The following ASXL3 variants were observed in gnomAD, a reference collection of about 807,000 sequenced individuals.
The protein encoded by ASXL3 is ASXL transcriptional regulator 3.
Under a neutral mutation model 170.6 loss-of-function variants are expected in ASXL3, and 34 were observed. The ratio of observed to expected loss-of-function variants is 0.20; its 90% CI spans 0.15 to 0.27. The LOEUF is 0.27. Ranked by LOEUF, ASXL3 falls within the 10% of genes least tolerant of loss-of-function variation. The pLI is 1.00. For synonymous variants in ASXL3, 1,002 were observed against 989.1 expected (o/e 1.01, Z -0.24); for missense variants, 2,592 against 2,695.3 (o/e 0.96, Z 0.85).
At chr18:33,637,282 C>T (rs1000587299) in intron 2 of ASXL3, among the ~76,000 whole-genome samples, 1 of 152,014 alleles carries the variant, frequency 6.6e-6, no homozygotes, top group Non-Finnish European at 1.5e-5. Flanking sequence ...GGCGTTGTTG[C>T]TAAATGTTAT....
chr18:33,742,791 T>G, intron 11 of ASXL3, 97 bp from the exon 12 acceptor site: 6 of 1,438,906 alleles, frequency 4.2e-6, no homozygotes, highest in Non-Finnish European at 5.5e-6. Flanking sequence ...TAGGAGAGAA[T>G]GCAGCTAGTC....
chr18:33,743,413 A>G lies in ASXL3; in HGVS notation c.3565A>G (p.Ser1189Gly), dbSNP rs761866641. Residue 1189 changes from serine (S) to glycine (G), a missense_variant, in exon 12 of 12, where the codon AGT becomes GGT. Around this residue, in one of 4 missense-constraint regions of ASXL3, gnomAD observed 2,246 missense variants for 2,219.6 expected, o/e 1.01. Coordinates refer to ENST00000269197, the MANE Select transcript of ASXL3 (RefSeq NM_030632.3). ...TGTACTACAGCAGTCTCTTAACCCAAGTAAACTTCCAGAAACTGCCACTGA... is the reference window on the plus strand; with the variant it reads ...TGTACTACAGCAGTCTCTTAACCCAGGTAAACTTCCAGAAACTGCCACTGA... ...TTVLQQSLNP[S>G]KLPETATDLS... 7.4e-6 allele frequency: 12 copies of G among 1,613,314 alleles called. No homozygotes were observed. The African/African-American group carries it at 1.3e-4, about 18-fold the overall frequency.
intron 8 of ASXL3, among the ~76,000 whole-genome samples, chr18:33,695,248 G>A (rs531288659): frequency 6.6e-6 from 1 of 152,174 alleles, no homozygotes; most frequent in African/African-American, 2.4e-5. Flanking sequence ...GTGTGTGTTT[G>A]AAATGTAATT....
intron 8 of ASXL3, among the ~76,000 whole-genome samples, chr18:33,715,002 A>C (rs1399702584): frequency 6.6e-6 from 1 of 152,280 alleles, no homozygotes; most frequent in African/African-American, 2.4e-5. Flanking sequence ...AGAGTGAACG[A>C]AGGTGTAGGG....
intron 8 of ASXL3, among the ~76,000 whole-genome samples, chr18:33,705,200 A>AT (rs148780318): frequency 0.022 from 3,342 of 151,816 alleles, 61 homozygotes; most frequent in South Asian, 0.1. Flanking sequence ...CATAAAATTT[A>AT]TAATACAGAA....
intron 1 of ASXL3, among the ~76,000 whole-genome samples, chr18:33,587,771 A>T (rs1234549362): frequency 6.8e-6 from 1 of 147,504 alleles, no homozygotes; most frequent in Non-Finnish European, 1.5e-5. Flanking sequence ...GATTACAATT[A>T]AAAAAAAAAG....
At chr18:33,649,386 T>G (rs1399569676) in intron 4 of ASXL3, among the ~76,000 whole-genome samples, 1 of 152,240 alleles carries the variant, frequency 6.6e-6, no homozygotes, top group Non-Finnish European at 1.5e-5. Context: ...CTGTGTGTGT[T>G]ATTTTTCTCA....
At chr18:33,736,778 TTGCGTAGTA>T (rs1187209847) in intron 10 of ASXL3, among the ~76,000 whole-genome samples, 3 of 152,174 alleles carry the variant, frequency 2.0e-5, no homozygotes, top group African/African-American at 2.4e-5. Context: ...GGGTTTTCCT[TTGCGTAGTA>T]TGGGGAACTG....
At chr18:33,676,185 C>T (rs1437642094) in intron 7 of ASXL3, among the ~76,000 whole-genome samples, 1 of 130,018 alleles carries the variant, frequency 7.7e-6, no homozygotes, top group Non-Finnish European at 1.5e-5. Flanking sequence ...GATGGCACCA[C>T]TGCACTCCAG....
At chr18:33,676,969 A>G (rs2066440350) in intron 7 of ASXL3, among the ~76,000 whole-genome samples, 1 of 152,194 alleles carries the variant, frequency 6.6e-6, no homozygotes, top group Non-Finnish European at 1.5e-5. Context: ...AATTTTCTCT[A>G]ACTAAAATGT....
intron 4 of ASXL3, among the ~76,000 whole-genome samples, chr18:33,659,035 C>T (rs112234552): frequency 4.6e-5 from 7 of 152,146 alleles, no homozygotes; most frequent in East Asian, 1.9e-4. Context: ...AGTGTATATG[C>T]TGATACTGAA....
rs2067863941 is a variant in ASXL3, at chr18:33,750,277, T to C, written c.*3682T>C. On this transcript the variant is annotated 3_prime_UTR_variant, in exon 12 of 12. Transcript: ENST00000269197. ...TCCTGTCGTCTTCAGTCTTCATGCT[T>C]TGTCACTGTAAAAAGAACAAAAAGC... 1 of 152,242 alleles carries C rather than the reference T, an allele frequency of 6.6e-6. No individual in the cohort carries two copies. Among genetic ancestry groups the C allele is most frequent in the Non-Finnish European group, 1.5e-5 (1 of 68,040 alleles). 9.4% of individuals were successfully genotyped at this position (152,242 alleles called of 1,614,324 possible). A position where few individuals can be genotyped will look rare whatever the true frequency, so the allele number is the denominator to read the frequency against.
rs770226543 is a variant in ASXL3 at position 33,743,374 on chromosome 18, C to T, written c.3526C>T (p.Arg1176Trp). 3.2e-5 allele frequency: 51 copies of T among 1,613,170 alleles called. 1 individual carries two copies. The highest frequency in any genetic ancestry group is 2.7e-4 in the Admixed American group (16 of 60,004). The change falls in exon 12 of 12, where the codon CGG (arginine) becomes TGG (tryptophan). Residue 1176 changes from arginine (R) to tryptophan (W), a missense_variant. Physicochemically the swap from Arg to Trp is moderately radical, Grantham distance 101 (BLOSUM62 -3). This residue lies in a region of ASXL3 where 2,246 missense variants were observed against 2,219.6 expected (regional missense o/e 1.01). Transcript: ENST00000269197. Reference protein sequence around the residue: ...RSPSNKSAHLRETTTVLQQSL... With the variant: ...RSPSNKSAHLWETTTVLQQSL... ...TCCTAGCAACAAGTCTGCCCACCTC[C>T]GGGAGACCACCACTGTACTACAGCA...
At chr18:33,683,281 G>A (rs1012314697) in intron 7 of ASXL3, 124 bp from the exon 8 acceptor site, 42 of 791,244 alleles carry the variant, frequency 5.3e-5, no homozygotes, top group Non-Finnish European at 5.9e-5. Flanking sequence ...TGTAAAAGGG[G>A]TAGAAGTAAA....
chr18:33,681,665 G>T (rs17554468), intron 7 of ASXL3, among the ~76,000 whole-genome samples: 12,925 of 151,478 alleles, frequency 0.085, 626 homozygotes, highest in African/African-American at 0.12. Context: ...TATCTTTCTT[G>T]AGATTTGGTA....
rs564638144 is a variant in ASXL3 at position 33,608,557 on chromosome 18, T to C, written c.137+881T>C. ...CTTTAGATAGCAGGTTAGGGCCATA[T>C]AGATGATACTACTCAAGGAGAAAAA... is the stretch of plus-strand genomic sequence containing the variant. On this transcript the variant is annotated intron_variant, in intron 2 of 11. Coordinates refer to ENST00000269197, the MANE Select transcript of ASXL3 (RefSeq NM_030632.3). Among the ~76,000 whole-genome samples the C allele has an allele frequency of 5.9e-5, 9 of 152,104 alleles. No homozygotes were observed. The South Asian group carries it at 1.5e-3, about 25-fold the overall frequency.
chr18:33,690,014 A>AT (rs1555732602), intron 8 of ASXL3, among the ~76,000 whole-genome samples: 2 of 151,874 alleles, frequency 1.3e-5, no homozygotes, highest in East Asian at 1.9e-4. Flanking sequence ...TGTCTCCATT[A>AT]TTATTTATTT....
chr18:33,724,325 A>G (rs1568350268), intron 8 of ASXL3, among the ~76,000 whole-genome samples: 1 of 152,138 alleles, frequency 6.6e-6, no homozygotes, highest in Non-Finnish European at 1.5e-5. Context: ...CTTGTAGGTT[A>G]AAGTTTATTA....
intron 11 of ASXL3, 71 bp from the exon 12 acceptor site, chr18:33,742,817 T>A (rs2067686764): frequency 6.7e-7 from 1 of 1,487,926 alleles, no homozygotes. Context: ...CCTTGCATTA[T>A]CACATTCTAC....
Sources: allele counts gnomAD v4.1 joint callset (sites outside exome capture counted in the v4.1 genomes callset), GRCh38; gene constraint gnomAD v4.1.1; regional missense constraint gnomAD v4.1.1; transcripts MANE v1.5; gene names NCBI Gene and HGNC (gene_info 2026-07-23, HGNC 2026-07-21).